The following DCPS variants were observed in gnomAD, a reference collection of about 807,000 sequenced individuals.
DCPS encodes the protein decapping enzyme, scavenger.
A neutral mutation model predicts 34.7 loss-of-function variants in DCPS; 27 were observed. That is an observed-to-expected ratio of 0.78 (90% CI 0.57 to 1.07). DCPS has a LOEUF of 1.07. DCPS is among the 50% of genes least tolerant of loss of function. The pLI is 0.00. For missense variants in DCPS, 464 were observed against 436.9 expected (o/e 1.06, Z -0.55); for synonymous variants, 185 against 185.7 (o/e 1.00, Z 0.03).
At chr11:126,341,146 C>T (rs1951872480) in intron 4 of DCPS, 1 of 152,232 alleles carries the variant, frequency 6.6e-6, no homozygotes, top group Non-Finnish European at 1.5e-5. Flanking sequence ...GTCTAAAGTT[C>T]TCAGACCAGG....
chr11:126,339,031 A>G (rs1467786555), intron 4 of DCPS, among the ~76,000 whole-genome samples: 1 of 152,132 alleles, frequency 6.6e-6, no homozygotes, highest in East Asian at 1.9e-4. Flanking sequence ...CCAGCCCACC[A>G]CCAGAGTTAT....
Position 126,348,010 on chromosome 11 carries a change from G to A in DCPS, c.*2397G>A, listed in dbSNP as rs1017925658. Among the ~76,000 whole-genome samples, 2 of 152,080 alleles carry A rather than the reference G, an allele frequency of 1.3e-5. No individual in the cohort carries two copies. Among genetic ancestry groups the A allele is most frequent in the South Asian group, 2.1e-4 (1 of 4,822 alleles). ...GGAGGGTCTGACTCCACGGGCTCCC[G>A]CTGACCTTGCCGTTCCTTCCCCTCA... is the stretch of plus-strand genomic sequence containing the variant. On this transcript the variant is annotated 3_prime_UTR_variant, in exon 6 of 6. Transcript: ENST00000263579. The surrounding 1 kb of genome is among the most constrained non-coding windows in gnomAD (Gnocchi z 5.3).
intron 1 of DCPS, among the ~76,000 whole-genome samples, chr11:126,305,772 T>G: frequency 6.6e-6 from 1 of 152,160 alleles, no homozygotes; most frequent in Non-Finnish European, 1.5e-5. Flanking sequence ...GTTTCTTGTT[T>G]TCTGTTTTTT....
In DCPS at chr11:126,338,158, G is replaced by A. The variant is rs1951847585; in HGVS notation, c.523-128G>A. On this transcript the variant is annotated intron_variant, in intron 3 of 5. Transcript: ENST00000263579. This position sits in a 1 kb window ranked among gnomAD's most constrained non-coding sequence, Gnocchi z 5.4. ...GGCAGCCCGGATGTAGATCCTCTGA[G>A]CGTGGCGGCCTTTTATGGCTTGGTT... 1 of 777,854 alleles carries A rather than the reference G, an allele frequency of 1.3e-6. No individual in the cohort carries two copies. Among genetic ancestry groups the A allele is most frequent in the Non-Finnish European group, 2.2e-6 (1 of 458,948 alleles). The allele number at this position is 777,854 out of a possible 1,614,324, so 48.2% of individuals were successfully genotyped here.
intron 2 of DCPS, among the ~76,000 whole-genome samples, chr11:126,311,870 T>C (rs1951620461): frequency 1.3e-5 from 2 of 152,264 alleles, no homozygotes; most frequent in African/African-American, 4.8e-5. Flanking sequence ...TTTCACATTA[T>C]GGTCTATTAC....
chr11:126,335,231 C>T lies in DCPS; in HGVS notation c.523-3055C>T, dbSNP rs889947688. Among the ~76,000 whole-genome samples the T allele has an allele frequency of 3.3e-5, 5 of 152,202 alleles. No individual in the cohort carries two copies. Among genetic ancestry groups the T allele is most frequent in the Admixed American group, 6.5e-5 (1 of 15,280 alleles). The stretch of plus-strand genomic sequence containing the variant: ...GATGAGGAAGGAGCAAGATGTCTCA[C>T]GGGAGGTCAAGGCGGGAGAGAGGGT... On this transcript the variant is annotated intron_variant, in intron 3 of 5. Coordinates refer to ENST00000263579, the MANE Select transcript of DCPS (RefSeq NM_014026.6). The surrounding 1 kb of genome is among the most constrained non-coding windows in gnomAD (Gnocchi z 4.8).
rs1191453736 is a variant in DCPS at position 126,325,194 on chromosome 11, GA to G, written c.377-6203del. Among the ~76,000 whole-genome samples the G allele has an allele frequency of 5.3e-5, 3 of 56,776 alleles. No homozygotes were observed. Among genetic ancestry groups the G allele is most frequent in the African/African-American group, 1.3e-4 (1 of 7,978 alleles). 37.2% of individuals were successfully genotyped at this position (56,776 alleles called of 152,430 possible). A position where few individuals can be genotyped will look rare whatever the true frequency, so the allele number is the denominator to read the frequency against. On this transcript the variant is annotated intron_variant, in intron 2 of 5. Coordinates refer to ENST00000263579, the MANE Select transcript of DCPS (RefSeq NM_014026.6). This position sits in a 1 kb window ranked among gnomAD's most constrained non-coding sequence, Gnocchi z 4.3. ...ACAGTGAGACTCAGTTTCGAAAAAA[GA>G]AAAAAAATTAAACAGTAAAAATGTA...
rs1385998132 is a variant in DCPS at position 126,337,505 on chromosome 11, A to G, written c.523-781A>G. ...TGTAAAGTAATGTCCTTGGGTCAACACAGGCCTGGGAAAGGTCCTCTGCAG... is the reference window on the plus strand; with the variant it reads ...TGTAAAGTAATGTCCTTGGGTCAACGCAGGCCTGGGAAAGGTCCTCTGCAG... On this transcript the variant is annotated intron_variant, in intron 3 of 5. Coordinates refer to ENST00000263579, the MANE Select transcript of DCPS (RefSeq NM_014026.6). This position sits in a 1 kb window ranked among gnomAD's most constrained non-coding sequence, Gnocchi z 5.3. The G allele has an allele frequency of 6.6e-6, 1 of 152,222 alleles. No individual in the cohort carries two copies. The highest frequency in any genetic ancestry group is 6.6e-5 in the Admixed American group (1 of 15,266). 9.4% of individuals were successfully genotyped at this position (152,222 alleles called of 1,614,324 possible). A position where few individuals can be genotyped will look rare whatever the true frequency, so the allele number is the denominator to read the frequency against.
At chr11:126,324,629 C>CTTTTTT (rs58091804) in intron 2 of DCPS, among the ~76,000 whole-genome samples, 9 of 99,956 alleles carry the variant, frequency 9.0e-5, no homozygotes, top group African/African-American at 3.4e-4. Context: ...ATTTTTCTGC[C>CTTTTTT]TTTTTTTTTT....
intron 2 of DCPS, 121 bp downstream of exon 2, chr11:126,306,865 C>T (rs1250781060): frequency 1.7e-6 from 2 of 1,173,986 alleles, no homozygotes; most frequent in African/African-American, 1.5e-5. Context: ...AGGGAGATTA[C>T]TTCCCTAGGG....
In DCPS at chr11:126,304,202, G is replaced by A; in HGVS notation, c.122G>A (p.Arg41His). The A allele has an allele frequency of 6.2e-7, 1 of 1,614,252 alleles. No individual in the cohort carries two copies. Among genetic ancestry groups the A allele is most frequent in the Non-Finnish European group, 8.5e-7 (1 of 1,180,044 alleles). The change falls in exon 1 of 6, where the codon CGC (arginine) becomes CAC (histidine). Residue 41 changes from arginine (R) to histidine (H), a missense_variant. Coordinates refer to ENST00000263579, the MANE Select transcript of DCPS (RefSeq NM_014026.6). ...GVGNGTCAPV[R>H]LPFSGFRLQK... is the part of the protein sequence containing the mutation. ...GGAAATGGTACCTGTGCTCCTGTCCGCTTACCGTTCTCCGGCTTCAGACTG... is the reference window on the plus strand; with the variant it reads ...GGAAATGGTACCTGTGCTCCTGTCCACTTACCGTTCTCCGGCTTCAGACTG...
Position 126,344,382 on chromosome 11 carries a change from G to T in DCPS, c.747+965G>T, listed in dbSNP as rs1951900548. 1.3e-5 allele frequency among the ~76,000 whole-genome samples: 2 copies of T among 152,190 alleles called. 1 individual carries two copies. Among genetic ancestry groups the T allele is most frequent in the Admixed American group, 1.3e-4 (2 of 15,288 alleles). ...GTCTCTGGATATTACAAATGGCAAA[G>T]AATGGTGTCTTTCTCTTGGGGAGAT... is the stretch of plus-strand genomic sequence containing the variant. On this transcript the variant is annotated intron_variant, in intron 5 of 5. Coordinates refer to ENST00000263579, the MANE Select transcript of DCPS (RefSeq NM_014026.6). This position sits in a 1 kb window ranked among gnomAD's most constrained non-coding sequence, Gnocchi z 8.1.
In DCPS at chr11:126,336,267, C is replaced by T. The variant is rs1951831717; in HGVS notation, c.523-2019C>T. ...TCCTCCAGCCCCGCTCTTATTTCCTCTCTCACCACCTCCTTTGCTCTCACC... is the reference window on the plus strand; with the variant it reads ...TCCTCCAGCCCCGCTCTTATTTCCTTTCTCACCACCTCCTTTGCTCTCACC... On this transcript the variant is annotated intron_variant, in intron 3 of 5. Transcript: ENST00000263579. The surrounding 1 kb of genome is among the most constrained non-coding windows in gnomAD (Gnocchi z 6.3). 1 of 152,450 alleles carries T rather than the reference C, an allele frequency of 6.6e-6. No individual in the cohort carries two copies. The highest frequency in any genetic ancestry group is 2.4e-5 in the African/African-American group (1 of 41,426). 9.4% of individuals were successfully genotyped at this position (152,450 alleles called of 1,614,324 possible).
intron 1 of DCPS, among the ~76,000 whole-genome samples, chr11:126,304,699 G>A (rs779320090): frequency 6.6e-6 from 1 of 152,194 alleles, no homozygotes; most frequent in Non-Finnish European, 1.5e-5. Flanking sequence ...GACTTCAGCC[G>A]TAACAGGAGA....
intron 1 of DCPS, among the ~76,000 whole-genome samples, chr11:126,305,058 TTG>T (rs1951552391): frequency 6.6e-6 from 1 of 152,234 alleles, no homozygotes; most frequent in Non-Finnish European, 1.5e-5. Context: ...TCAGGGAACC[TTG>T]GCCTAGGCTT....
rs768394096 is a variant in DCPS, at chr11:126,346,846, G to GC, written c.*1235dup. Reference sequence around the variant, plus strand: ...AGCCAACCTGCTTCAGGGTCTCAGGGCCTGCTGTGGACCCCCATGGTCCTG... The same window carrying GC: ...AGCCAACCTGCTTCAGGGTCTCAGGGCCCTGCTGTGGACCCCCATGGTCCTG... On this transcript the variant is annotated 3_prime_UTR_variant, in exon 6 of 6. Transcript: ENST00000263579. The surrounding 1 kb of genome is among the most constrained non-coding windows in gnomAD (Gnocchi z 4.1). Among the ~76,000 whole-genome samples, 4 of 152,138 alleles carry GC rather than the reference G, an allele frequency of 2.6e-5. No homozygotes were observed. The highest frequency in any genetic ancestry group is 5.9e-5 in the Non-Finnish European group (4 of 68,028).
At chr11:126,309,724 T>C (rs914979262) in intron 2 of DCPS, among the ~76,000 whole-genome samples, 22 of 152,300 alleles carry the variant, frequency 1.4e-4, no homozygotes, top group African/African-American at 4.8e-4. Flanking sequence ...CAGGGCCCGG[T>C]TGCTCCCTTG....
intron 2 of DCPS, among the ~76,000 whole-genome samples, chr11:126,311,350 T>C (rs1367621409): frequency 1.3e-5 from 2 of 152,260 alleles, no homozygotes; most frequent in East Asian, 1.9e-4. Flanking sequence ...CATTTCTTTA[T>C]TCATTTAACA....
At position 126,331,839 on chromosome 11, in the gene DCPS, G is replaced by T. The variant is rs149669550; in HGVS notation, c.522+289G>T. Among the ~76,000 whole-genome samples, 2 of 152,280 alleles carry T rather than the reference G, an allele frequency of 1.3e-5. No individual in the cohort carries two copies. Among genetic ancestry groups the T allele is most frequent in the Non-Finnish European group, 2.9e-5 (2 of 68,016 alleles). ...TAAGTGGGACCAGAAGGCCTGGGGC[G>T]GGCAATTGCCATTTTATATCGCATG... On this transcript the variant is annotated intron_variant, in intron 3 of 5. Transcript: ENST00000263579. This position sits in a 1 kb window ranked among gnomAD's most constrained non-coding sequence, Gnocchi z 7.2.
Sources: gnomAD v4.1 joint callset for allele counts (sites outside exome capture counted in the v4.1 genomes callset) on GRCh38, gnomAD v4.1.1 for gene constraint, Gnocchi (gnomAD v3.1) non-coding constraint, MANE v1.5 for transcripts, NCBI Gene and HGNC (gene_info 2026-07-23, HGNC 2026-07-21) for gene names.